The following SPATA17 variants were observed in gnomAD, a reference collection of about 807,000 sequenced individuals.
SPATA17 encodes the protein spermatogenesis-associated protein 17.
SPATA17 carries 53 observed loss-of-function variants against 62.2 expected under a neutral mutation model. The ratio of observed to expected loss-of-function variants is 0.85; its 90% confidence interval spans 0.68 to 1.07. The LOEUF is 1.07. Ranked by LOEUF, SPATA17 falls within the 50% of genes least tolerant of loss-of-function variation. The pLI, the probability that SPATA17 is intolerant of heterozygous loss-of-function variation, is 0.00. For synonymous variants in SPATA17, 146 were observed against 146.8 expected, an observed-to-expected ratio of 0.99 and a Z score of 0.04; for missense variants, 466 against 425.5, an observed-to-expected ratio of 1.10 and a Z score of -0.84.
intron 9 of SPATA17, among the ~76,000 whole-genome samples, chr1:217,852,066 A>G (rs1412562794): frequency 6.6e-6 from 1 of 152,192 alleles, no homozygotes. Context: ...AATTTCAAGG[A>G]AAATGAATGA....
intron 6 of SPATA17, among the ~76,000 whole-genome samples, chr1:217,755,414 A>G (rs750179526): frequency 3.0e-4 from 45 of 152,028 alleles, no homozygotes; most frequent in Non-Finnish European, 5.9e-4. Flanking sequence ...TTAAATTTTA[A>G]TTTGTGAATA....
intron 8 of SPATA17, among the ~76,000 whole-genome samples, chr1:217,790,641 C>T (rs1049602798): frequency 2.6e-5 from 4 of 152,026 alleles, no homozygotes; most frequent in Non-Finnish European, 5.9e-5. Flanking sequence ...GGGGTTTCAC[C>T]GTGGTCTCAA....
chr1:217,767,694 T>C (rs547944905), intron 6 of SPATA17, among the ~76,000 whole-genome samples: 68 of 152,322 alleles, frequency 4.5e-4, no homozygotes, highest in South Asian at 8.3e-4. Flanking sequence ...ACAGTGTTGG[T>C]TCTTTAATAG....
At chr1:217,861,815 A>T (rs1341536332) in intron 9 of SPATA17, among the ~76,000 whole-genome samples, 1 of 152,144 alleles carries the variant, frequency 6.6e-6, no homozygotes, top group Non-Finnish European at 1.5e-5. Context: ...CCTTCATGTC[A>T]CTTGGCCATG....
At chr1:217,653,207 C>T (rs1195196338) in intron 3 of SPATA17, among the ~76,000 whole-genome samples, 1 of 152,120 alleles carries the variant, frequency 6.6e-6, no homozygotes, top group Non-Finnish European at 1.5e-5. Flanking sequence ...CTCAGGAAAC[C>T]TCTTACATTT....
chr1:217,698,870 C>T (rs1671526521), intron 5 of SPATA17, among the ~76,000 whole-genome samples: 2 of 152,290 alleles, frequency 1.3e-5, no homozygotes, highest in South Asian at 2.1e-4. Context: ...TATTCTACCA[C>T]ACTCCCCTCA....
chr1:217,682,304 A>G (rs1040109919), intron 4 of SPATA17, among the ~76,000 whole-genome samples: 1 of 151,960 alleles, frequency 6.6e-6, no homozygotes, highest in Admixed American at 6.6e-5. Context: ...CTGGGGTTGT[A>G]TAAGATATCT....
intron 4 of SPATA17, among the ~76,000 whole-genome samples, chr1:217,672,889 C>T (rs995360400): frequency 2.6e-5 from 4 of 152,110 alleles, no homozygotes; most frequent in Admixed American, 6.6e-5. Context: ...CTCCCCTGTA[C>T]ACTATAAGTC....
chr1:217,761,337 C>A (rs140137991), intron 6 of SPATA17, among the ~76,000 whole-genome samples: 79 of 152,146 alleles, frequency 5.2e-4, no homozygotes, highest in African/African-American at 1.9e-3. Flanking sequence ...TTAAAGGTTC[C>A]GTTACTTTGC....
intron 1 of SPATA17, among the ~76,000 whole-genome samples, chr1:217,640,194 G>T (rs1161608443): frequency 1.3e-5 from 2 of 151,852 alleles, no homozygotes; most frequent in Non-Finnish European, 1.5e-5. Flanking sequence ...GAATACAGTT[G>T]TCTCAACAGC....
intron 3 of SPATA17, among the ~76,000 whole-genome samples, chr1:217,659,606 C>T (rs1670521403): frequency 6.6e-6 from 1 of 152,036 alleles, no homozygotes; most frequent in African/African-American, 2.4e-5. Context: ...AATGATGTGC[C>T]TAGGGTTCTC....
At chr1:217,655,007 G>A (rs1424860527) in intron 3 of SPATA17, among the ~76,000 whole-genome samples, 4 of 152,174 alleles carry the variant, frequency 2.6e-5, no homozygotes, top group African/African-American at 9.7e-5. Flanking sequence ...ACCGCACCCA[G>A]CCCTACATAA....
intron 6 of SPATA17, among the ~76,000 whole-genome samples, chr1:217,762,223 T>A (rs1673187600): frequency 6.6e-6 from 1 of 152,210 alleles, no homozygotes; most frequent in Non-Finnish European, 1.5e-5. Context: ...TTTAGCTATT[T>A]TTATTTAGAA....
At chr1:217,800,294 A>G (rs769397928) in intron 8 of SPATA17, among the ~76,000 whole-genome samples, 4 of 152,112 alleles carry the variant, frequency 2.6e-5, no homozygotes, top group Non-Finnish European at 5.9e-5. Context: ...TGATATTTGA[A>G]CTCGTTTCTC....
intron 6 of SPATA17, among the ~76,000 whole-genome samples, chr1:217,744,829 C>A (rs1315499377): frequency 3.3e-5 from 5 of 152,134 alleles, no homozygotes; most frequent in Non-Finnish European, 5.9e-5. Context: ...TTTTCTAAGC[C>A]TCTGCTTCCG....
chr1:217,663,625 C>A (rs886968752), intron 3 of SPATA17, among the ~76,000 whole-genome samples: 1 of 152,114 alleles, frequency 6.6e-6, no homozygotes, highest in Non-Finnish European at 1.5e-5. Flanking sequence ...TCAGGCTCAT[C>A]AGATCTGTTA....
intron 4 of SPATA17, among the ~76,000 whole-genome samples, chr1:217,677,226 A>C (rs1176320489): frequency 6.6e-6 from 1 of 152,096 alleles, no homozygotes; most frequent in Non-Finnish European, 1.5e-5. Flanking sequence ...AATTTATAAA[A>C]ATTAATCTAA....
intron 6 of SPATA17, among the ~76,000 whole-genome samples, chr1:217,763,224 A>G (rs1673215151): frequency 6.6e-6 from 1 of 152,226 alleles, no homozygotes; most frequent in African/African-American, 2.4e-5. Context: ...ATATATGCAT[A>G]CAATTAGTTA....
At chr1:217,656,677 A>T (rs1670452200) in intron 3 of SPATA17, among the ~76,000 whole-genome samples, 1 of 152,196 alleles carries the variant, frequency 6.6e-6, no homozygotes, top group Non-Finnish European at 1.5e-5. Flanking sequence ...ATAAGATTAA[A>T]ATAGCTCCCA....
Sources: allele counts gnomAD v4.1 joint callset (sites outside exome capture counted in the v4.1 genomes callset), GRCh38; gene constraint gnomAD v4.1.1; transcripts MANE v1.5; gene names NCBI Gene and HGNC (gene_info 2026-07-23, HGNC 2026-07-21).